SEMA5A: variants seen among roughly 807,000 people sequenced by gnomAD.
The protein encoded by SEMA5A is semaphorin-5A.
A neutral mutation model predicts 135.5 loss-of-function variants in SEMA5A; 55 were observed. That is an observed-to-expected ratio of 0.41 (90% CI 0.33 to 0.51). The LOEUF (loss-of-function observed/expected upper bound fraction) is 0.51, where lower values mean the gene tolerates loss of function less well. SEMA5A is among the 20% of genes least tolerant of loss of function. The pLI is 0.37. For missense variants in SEMA5A, 1,290 were observed against 1,419.9 expected (o/e 0.91, Z 1.47); for synonymous variants, 580 against 546.5 (o/e 1.06, Z -0.85).
chr5:9,210,578 T>G (rs1474737862), intron 8 of SEMA5A, among the ~76,000 whole-genome samples: 5 of 152,162 alleles, frequency 3.3e-5, no homozygotes, highest in Non-Finnish European at 5.9e-5. Flanking sequence ...TGGAGGCCAT[T>G]TGTAACGCTG....
chr5:9,453,528 G>A (rs1396860936), intron 1 of SEMA5A, among the ~76,000 whole-genome samples: 1 of 152,142 alleles, frequency 6.6e-6, no homozygotes, highest in African/African-American at 2.4e-5. Flanking sequence ...AAATGCATGT[G>A]TTAGATAAGC....
At chr5:9,209,268 CCAAG>C (rs1368217678) in intron 8 of SEMA5A, among the ~76,000 whole-genome samples, 1 of 152,216 alleles carries the variant, frequency 6.6e-6, no homozygotes, top group South Asian at 2.1e-4. Context: ...TTATTCCATT[CCAAG>C]CACATAGCCC....
In SEMA5A at chr5:9,116,512, T is replaced by A. The variant is rs1156306096; in HGVS notation, c.1925+2486A>T. On this transcript the variant is annotated intron_variant, in intron 15 of 22. Coordinates refer to ENST00000382496, the MANE Select transcript of SEMA5A (RefSeq NM_003966.3). ...TAGAGTTATTTTTCAGAAAAAAAAA[T>A]TATGTAAATACTTCTGAGATTTTTG... Among the ~76,000 whole-genome samples, 8 of 152,150 alleles carry A rather than the reference T, an allele frequency of 5.3e-5. 1 individual carries two copies. Among genetic ancestry groups the A allele is most frequent in the Admixed American group, 4.6e-4 (7 of 15,270 alleles).
At chr5:9,213,596 T>C (rs903948035) in intron 8 of SEMA5A, among the ~76,000 whole-genome samples, 4 of 152,192 alleles carry the variant, frequency 2.6e-5, no homozygotes, top group African/African-American at 9.7e-5. Context: ...CAGCAAACTC[T>C]AGCCCATGGG....
At chr5:9,400,846 ATTACT>A (rs923923981) in intron 2 of SEMA5A, among the ~76,000 whole-genome samples, 1 of 152,166 alleles carries the variant, frequency 6.6e-6, no homozygotes, top group African/African-American at 2.4e-5. Context: ...CAACTCTACA[ATTACT>A]TTAAATACGT....
chr5:9,319,205 A>AAAAT (rs1350920096), intron 4 of SEMA5A, among the ~76,000 whole-genome samples: 8 of 152,116 alleles, frequency 5.3e-5, no homozygotes, highest in African/African-American at 1.9e-4. Flanking sequence ...CCCTGTCTCA[A>AAAAT]AAATAAATAA....
intron 8 of SEMA5A, among the ~76,000 whole-genome samples, chr5:9,221,572 G>C (rs1208403192): frequency 6.6e-6 from 1 of 152,226 alleles, no homozygotes; most frequent in East Asian, 1.9e-4. Flanking sequence ...AAAGTGCTGG[G>C]ATTACAGGCG....
At chr5:9,164,038 TA>T (rs1743446101) in intron 11 of SEMA5A, among the ~76,000 whole-genome samples, 1 of 142,806 alleles carries the variant, frequency 7.0e-6, no homozygotes, top group African/African-American at 2.6e-5. Flanking sequence ...ATTTATATAA[TA>T]TAATATATAT....
intron 11 of SEMA5A, among the ~76,000 whole-genome samples, chr5:9,182,155 C>CT (rs1744554269): frequency 3.7e-5 from 5 of 134,856 alleles, no homozygotes; most frequent in African/African-American, 5.9e-5. Flanking sequence ...TTCTGCCCCC[C>CT]ACCCCAAAAA....
At chr5:9,249,294 A>G (rs746088261) in intron 5 of SEMA5A, among the ~76,000 whole-genome samples, 17 of 152,184 alleles carry the variant, frequency 1.1e-4, no homozygotes, top group African/African-American at 2.4e-4. Context: ...GAAGAGAAAT[A>G]TGATCCTGGT....
Position 9,114,559 on chromosome 5 carries a change from T to C in SEMA5A, c.1925+4439A>G, listed in dbSNP as rs185241921. 1.6e-4 allele frequency among the ~76,000 whole-genome samples: 24 copies of C among 152,204 alleles called. 1 individual carries two copies. In the East Asian group the frequency reaches 3.5e-3, roughly 22 times the overall value. On this transcript the variant is annotated intron_variant, in intron 15 of 22. Coordinates refer to ENST00000382496, the MANE Select transcript of SEMA5A (RefSeq NM_003966.3). ...AAAAAGGGAGAACTGCATTACACAATGGGTGAAAACTGCCAAAACTGCTAC... is the reference window on the plus strand; with the variant it reads ...AAAAAGGGAGAACTGCATTACACAACGGGTGAAAACTGCCAAAACTGCTAC...
At chr5:9,316,174 C>T (rs528314833) in intron 5 of SEMA5A, among the ~76,000 whole-genome samples, 8 of 152,144 alleles carry the variant, frequency 5.3e-5, no homozygotes, top group African/African-American at 1.4e-4. Context: ...CAGATTTCTT[C>T]AGCGAGCCCA....
At chr5:9,253,346 G>A (rs1298232764) in intron 5 of SEMA5A, among the ~76,000 whole-genome samples, 1 of 152,058 alleles carries the variant, frequency 6.6e-6, no homozygotes, top group Non-Finnish European at 1.5e-5. Context: ...GATTTAATGG[G>A]TTGTGATGAC....
At chr5:9,114,605 A>G (rs1191478900) in intron 15 of SEMA5A, among the ~76,000 whole-genome samples, 1 of 152,232 alleles carries the variant, frequency 6.6e-6, no homozygotes, top group Non-Finnish European at 1.5e-5. Context: ...ATGAAAGGCA[A>G]AACACATAAG....
chr5:9,180,314 T>A (rs1005471525), intron 11 of SEMA5A, among the ~76,000 whole-genome samples: 7 of 152,230 alleles, frequency 4.6e-5, no homozygotes, highest in Non-Finnish European at 1.0e-4. Flanking sequence ...ATTGAGTTGC[T>A]ATTGGTTGCT....
intron 12 of SEMA5A, among the ~76,000 whole-genome samples, chr5:9,152,690 T>C (rs1742694846): frequency 1.3e-5 from 2 of 152,232 alleles, no homozygotes; most frequent in Admixed American, 6.5e-5. Context: ...TTATACTCTA[T>C]ATATTATCCT....
rs773686760 is a variant in SEMA5A, at chr5:9,044,581, A to C, written c.2897T>G (p.Phe966Cys). The C allele has an allele frequency of 6.2e-7, 1 of 1,613,686 alleles. No homozygotes were observed. The highest frequency in any genetic ancestry group is 1.3e-5 in the African/African-American group (1 of 74,914). The change falls in exon 22 of 23, where the codon TTC becomes TGC. Residue 966 changes from phenylalanine to cysteine, a missense_variant. Around this residue, in one of 3 missense-constraint regions of SEMA5A, gnomAD observed 1,029 missense variants for 1,086.6 expected, o/e 0.95. Transcript: ENST00000382496. Reference sequence around the variant, plus strand: ...CACGGCGATCATGTGGAACATGTTGAACTCTAGGGAGACATGAGCAAAGTG... The same window carrying C: ...CACGGCGATCATGTGGAACATGTTGCACTCTAGGGAGACATGAGCAAAGTG... The part of the protein sequence containing the change: ...SSVEEKRCGE[F>C]NMFHMIAVGL...
intron 4 of SEMA5A, among the ~76,000 whole-genome samples, chr5:9,323,589 T>C (rs1281774439): frequency 6.6e-6 from 1 of 152,016 alleles, no homozygotes; most frequent in African/African-American, 2.4e-5. Context: ...TATATTTTTG[T>C]TGATTTTTTA....
At position 9,081,953 on chromosome 5, in the gene SEMA5A, C is replaced by T. The variant is rs116601781; in HGVS notation, c.2074-15307G>A. 6.1e-3 allele frequency among the ~76,000 whole-genome samples: 921 copies of T among 152,218 alleles called. 9 individuals are homozygous for T. Among genetic ancestry groups the T allele is most frequent in the African/African-American group, 0.021 (864 of 41,546 alleles). On this transcript the variant is annotated intron_variant, in intron 16 of 22. Coordinates refer to ENST00000382496, the MANE Select transcript of SEMA5A (RefSeq NM_003966.3). ...CTCCACAGGGTACTAATGAGTGCTACAGGAAAAGCATCTGTTGTCAGGAAA... is the reference window on the plus strand; with the variant it reads ...CTCCACAGGGTACTAATGAGTGCTATAGGAAAAGCATCTGTTGTCAGGAAA...
Sources: allele counts gnomAD v4.1 joint callset (sites outside exome capture counted in the v4.1 genomes callset), GRCh38; gene constraint gnomAD v4.1.1; regional missense constraint gnomAD v4.1.1; transcripts MANE v1.5; gene names NCBI Gene and HGNC (gene_info 2026-07-23, HGNC 2026-07-21).